The following MEIS1 variants were observed in gnomAD, a reference collection of about 807,000 sequenced individuals.
MEIS1 encodes Meis homeobox 1.
Under a neutral mutation model 50.8 loss-of-function variants are expected in MEIS1, and 5 were observed. The observed-to-expected ratio is 0.10, with a 90% confidence interval of 0.05 to 0.21. The LOEUF (loss-of-function observed/expected upper bound fraction) is 0.21. MEIS1 is among the 10% of genes least tolerant of loss of function. The probability of loss-of-function intolerance (pLI) is 1.00; values close to 1 mark genes in which losing one functional copy is unlikely to be tolerated. For missense variants in MEIS1, 318 were observed against 517.3 expected, an observed-to-expected ratio of 0.61 and a Z score of 3.74; for synonymous variants, 176 against 179.3, an observed-to-expected ratio of 0.98 and a Z score of 0.15.
At chr2:66,486,231 G>A (rs1326218561) in intron 7 of MEIS1, among the ~76,000 whole-genome samples, 2 of 152,172 alleles carry the variant, frequency 1.3e-5, no homozygotes, top group Non-Finnish European at 2.9e-5. Context: ...ATGGTTTTAG[G>A]TCCTATGTTT....
chr2:66,543,919 T>G (rs1046147188), intron 8 of MEIS1, among the ~76,000 whole-genome samples: 1 of 152,182 alleles, frequency 6.6e-6, no homozygotes, highest in East Asian at 1.9e-4. Flanking sequence ...TATCCCGAAG[T>G]GATTAGGTTG....
intron 9 of MEIS1, among the ~76,000 whole-genome samples, chr2:66,564,009 A>G (rs1425187157): frequency 6.6e-6 from 1 of 152,200 alleles, no homozygotes; most frequent in Non-Finnish European, 1.5e-5. Context: ...CCAAATAATT[A>G]GTTGTTCATA....
intron 7 of MEIS1, among the ~76,000 whole-genome samples, chr2:66,491,586 A>G (rs966315197): frequency 2.0e-5 from 3 of 152,086 alleles, no homozygotes; most frequent in Non-Finnish European, 4.4e-5. Flanking sequence ...CACTCTCTTC[A>G]TCCTCTGTTT....
At position 66,533,517 on chromosome 2, in the gene MEIS1, T is replaced by C. The variant is rs1674443797; in HGVS notation, c.889-14426T>C. Among the ~76,000 whole-genome samples, 5 of 152,336 alleles carry C rather than the reference T, an allele frequency of 3.3e-5. No individual in the cohort carries two copies. The South Asian group carries it at 1.0e-3, about 32-fold the overall frequency. On this transcript the variant is annotated intron_variant, in intron 8 of 12. Transcript: ENST00000272369. ...GTGTCACCTCTATATCTTGCTTTTA[T>C]AGTGTCTTTTTTTAACACTCTTTAA...
chr2:66,563,639 A>G (rs962230529), intron 9 of MEIS1, among the ~76,000 whole-genome samples: 2 of 152,218 alleles, frequency 1.3e-5, no homozygotes, highest in Non-Finnish European at 2.9e-5. Flanking sequence ...GATGAGACAC[A>G]AGGTCAAAGG....
At chr2:66,545,808 T>C (rs1223826753) in intron 8 of MEIS1, among the ~76,000 whole-genome samples, 1 of 152,212 alleles carries the variant, frequency 6.6e-6, no homozygotes, top group African/African-American at 2.4e-5. Context: ...GATCTTAGCC[T>C]ATTAGGAGGT....
chr2:66,549,396 G>T (rs1005093529), intron 9 of MEIS1, among the ~76,000 whole-genome samples: 1 of 151,902 alleles, frequency 6.6e-6, no homozygotes. Context: ...TTGTGTGGCT[G>T]CTGAGGTTTT....
At chr2:66,519,217 T>C (rs1367054677) in intron 8 of MEIS1, among the ~76,000 whole-genome samples, 4 of 152,236 alleles carry the variant, frequency 2.6e-5, no homozygotes, top group Non-Finnish European at 5.9e-5. Flanking sequence ...TGCAATGGTC[T>C]GTTGCTCAGC....
chr2:66,440,050 CGCGCGCGCGCGCGCGCGA>C (rs1558518969), intron 3 of MEIS1, 66 bp downstream of exon 3: 1 of 1,222,216 alleles, frequency 8.2e-7, no homozygotes, highest in Admixed American at 2.8e-5. Flanking sequence ...CCAACACACA[CGCGCGCGCGCGCGCGCGA>C]ACACACACAC....
chr2:66,455,162 C>G (rs1672359873), intron 6 of MEIS1, among the ~76,000 whole-genome samples: 1 of 152,158 alleles, frequency 6.6e-6, no homozygotes, highest in African/African-American at 2.4e-5. Flanking sequence ...GCTTTATCTT[C>G]TCTCTTCTTA....
At chr2:66,522,701 G>A (rs1171633036) in intron 8 of MEIS1, among the ~76,000 whole-genome samples, 1 of 152,214 alleles carries the variant, frequency 6.6e-6, no homozygotes. Context: ...ATGAAGCCAG[G>A]GCTTCTGACT....
At chr2:66,467,839 T>G (rs1466331107) in intron 7 of MEIS1, among the ~76,000 whole-genome samples, 2 of 152,184 alleles carry the variant, frequency 1.3e-5, no homozygotes, top group Non-Finnish European at 2.9e-5. Flanking sequence ...AGTAAAGTCC[T>G]TTTCAATTGG....
At chr2:66,564,868 C>T (rs1444960794) in intron 9 of MEIS1, among the ~76,000 whole-genome samples, 2 of 151,230 alleles carry the variant, frequency 1.3e-5, no homozygotes, top group African/African-American at 4.9e-5. Flanking sequence ...GCTATCCCTT[C>T]CCCCTCCCCC....
chr2:66,462,378 G>A (rs559338972), intron 6 of MEIS1, among the ~76,000 whole-genome samples: 20 of 152,134 alleles, frequency 1.3e-4, no homozygotes, highest in African/African-American at 1.9e-4. Context: ...AAACTCCCAC[G>A]GGTTCCTGCA....
intron 7 of MEIS1, among the ~76,000 whole-genome samples, chr2:66,485,060 C>T (rs1308327961): frequency 6.6e-6 from 1 of 151,688 alleles, no homozygotes; most frequent in Admixed American, 6.6e-5. Context: ...GTTGTTTAAC[C>T]ATTTTTTCTT....
chr2:66,558,085 G>T (rs1345980267), intron 9 of MEIS1, among the ~76,000 whole-genome samples: 2 of 152,054 alleles, frequency 1.3e-5, no homozygotes, highest in African/African-American at 4.8e-5. Flanking sequence ...TTCAAGACCA[G>T]CCTGATGAAC....
At chr2:66,442,270 TAA>T (rs11292294) in intron 5 of MEIS1, among the ~76,000 whole-genome samples, 4,796 of 114,522 alleles carry the variant, frequency 0.042, 240 homozygotes, top group African/African-American at 0.12. Context: ...CTCCTTTTTG[TAA>T]AAAAAAAAAA....
intron 4 of MEIS1, chr2:66,441,062 T>A: frequency 3.0e-6 from 1 of 333,562 alleles, no homozygotes; most frequent in Non-Finnish European, 5.4e-6. Flanking sequence ...TGAGGGCCAT[T>A]TGGAATATTT....
At chr2:66,499,513 G>A (rs911111635) in intron 7 of MEIS1, among the ~76,000 whole-genome samples, 6 of 151,974 alleles carry the variant, frequency 3.9e-5, no homozygotes, top group Non-Finnish European at 8.8e-5. Flanking sequence ...TTACAGGAAA[G>A]CAGAATAGAA....
Sources: gnomAD v4.1 joint callset for allele counts (sites outside exome capture counted in the v4.1 genomes callset) on GRCh38, gnomAD v4.1.1 for gene constraint, MANE v1.5 for transcripts, NCBI Gene and HGNC (gene_info 2026-07-23, HGNC 2026-07-21) for gene names.